PDE4D: variants seen among roughly 807,000 people sequenced by gnomAD.
PDE4D encodes 3',5'-cyclic-AMP phosphodiesterase 4D.
Under a neutral mutation model 87.4 loss-of-function variants are expected in PDE4D, and 24 were observed. The ratio of observed to expected loss-of-function variants is 0.27; its 90% CI spans 0.20 to 0.39. PDE4D has a LOEUF of 0.39. Among genes scored for constraint, PDE4D ranks in the 10% least tolerant of loss-of-function variants. The pLI is 1.00. For missense variants in PDE4D, 714 were observed against 1,041.0 expected (o/e 0.69, Z 4.32); for synonymous variants, 384 against 383.2 (o/e 1.00, Z -0.02).
intron 1 of PDE4D, among the ~76,000 whole-genome samples, chr5:59,623,482 C>CA (rs2150119576): frequency 6.6e-6 from 1 of 152,320 alleles, no homozygotes; most frequent in South Asian, 2.1e-4. Context: ...CCCTGCATCC[C>CA]AGTGCTTGGA....
chr5:59,970,463 C>G (rs893145069), intron 3 of PDE4D, among the ~76,000 whole-genome samples: 2 of 152,052 alleles, frequency 1.3e-5, no homozygotes, highest in African/African-American at 2.4e-5. Context: ...ACTCATCTGA[C>G]AAAGGGCTAA....
chr5:59,144,978 T>C (rs1778414692), intron 5 of PDE4D, among the ~76,000 whole-genome samples: 1 of 151,928 alleles, frequency 6.6e-6, no homozygotes, highest in Admixed American at 6.6e-5. Context: ...TTTAATATGC[T>C]GTTTTTATTA....
chr5:59,607,342 C>T (rs1202325918), intron 1 of PDE4D, among the ~76,000 whole-genome samples: 1 of 152,132 alleles, frequency 6.6e-6, no homozygotes, highest in Non-Finnish European at 1.5e-5. Context: ...TGCCCCTCCC[C>T]TTTCCTATTT....
At chr5:59,399,070 T>G (rs71626180) in intron 1 of PDE4D, among the ~76,000 whole-genome samples, 6 of 112,682 alleles carry the variant, frequency 5.3e-5, no homozygotes, top group Admixed American at 9.1e-5. Context: ...CACTGCTCAA[T>G]GAAATAAAAG....
intron 1 of PDE4D, among the ~76,000 whole-genome samples, chr5:60,357,296 T>G (rs1308300784): frequency 6.6e-6 from 1 of 152,128 alleles, no homozygotes; most frequent in Non-Finnish European, 1.5e-5. Context: ...ACTAAATAAT[T>G]TTTTGAGCTT....
At chr5:59,266,562 G>T (rs1441534912) in intron 1 of PDE4D, among the ~76,000 whole-genome samples, 1 of 151,832 alleles carries the variant, frequency 6.6e-6, no homozygotes, top group African/African-American at 2.4e-5. Context: ...GAACGAGTCA[G>T]GAACTAGCTA....
At chr5:60,492,135 A>G (rs1293332791), upstream of PDE4D, among the ~76,000 whole-genome samples, 1 of 152,082 alleles carries the variant, frequency 6.6e-6, no homozygotes, top group African/African-American at 2.4e-5. Flanking sequence ...AAAAAAAAAA[A>G]AAAAAGAAAA....
intron 1 of PDE4D, among the ~76,000 whole-genome samples, chr5:59,759,186 C>G (rs1346783593): frequency 1.3e-5 from 2 of 152,028 alleles, no homozygotes; most frequent in Non-Finnish European, 2.9e-5. Context: ...CTTTAGTTAT[C>G]TGAATACATA....
rs150301113 is a variant in PDE4D at position 60,103,024 on chromosome 5, C to A, written c.42+82533G>T. 2.6e-3 allele frequency among the ~76,000 whole-genome samples: 399 copies of A among 151,390 alleles called. 2 individuals carry two copies. The highest frequency in any genetic ancestry group is 9.3e-3 in the African/African-American group (384 of 41,326). On this transcript the variant is annotated intron_variant, in intron 2 of 16. Coordinates refer to the PDE4D transcript ENST00000502484. ...AGAAAAAACACCCAGAAAACATTACCCACCAGGAAGTTAAGGAGTTTGTGT... is the reference window on the plus strand; with the variant it reads ...AGAAAAAACACCCAGAAAACATTACACACCAGGAAGTTAAGGAGTTTGTGT...
At chr5:59,295,158 T>C (rs1180904069) in intron 1 of PDE4D, among the ~76,000 whole-genome samples, 1 of 152,230 alleles carries the variant, frequency 6.6e-6, no homozygotes, top group African/African-American at 2.4e-5. Context: ...AAGATTTTTG[T>C]TGGGATAATC....
At chr5:60,433,964 T>C (rs1434373529) in intron 1 of PDE4D, among the ~76,000 whole-genome samples, 1 of 152,086 alleles carries the variant, frequency 6.6e-6, no homozygotes, top group Non-Finnish European at 1.5e-5. Context: ...AGACTACATA[T>C]TGGGTACTAT....
intron 1 of PDE4D, among the ~76,000 whole-genome samples, chr5:59,329,810 A>G (rs533678529): frequency 2.6e-5 from 4 of 152,344 alleles, no homozygotes; most frequent in African/African-American, 9.6e-5. Flanking sequence ...ATATCTGAGA[A>G]GCTGAGTCAT....
intron 1 of PDE4D, among the ~76,000 whole-genome samples, chr5:59,313,799 G>A (rs1340655689): frequency 6.6e-6 from 1 of 152,060 alleles, no homozygotes; most frequent in African/African-American, 2.4e-5. Flanking sequence ...TAAAGTGATG[G>A]ATCTACAAAA....
At chr5:59,917,586 T>G (rs1754206584) in intron 3 of PDE4D, among the ~76,000 whole-genome samples, 1 of 152,236 alleles carries the variant, frequency 6.6e-6, no homozygotes, top group African/African-American at 2.4e-5. Context: ...ACTTTTAATG[T>G]CCTTATTCAT....
intron 3 of PDE4D, among the ~76,000 whole-genome samples, chr5:59,984,417 A>C (rs990313267): frequency 6.6e-6 from 1 of 152,226 alleles, no homozygotes; most frequent in African/African-American, 2.4e-5. Flanking sequence ...TAACTGGCAG[A>C]TGAATTCAGG....
chr5:59,748,087 T>A (rs1201370007), intron 1 of PDE4D, among the ~76,000 whole-genome samples: 1 of 152,218 alleles, frequency 6.6e-6, no homozygotes, highest in Non-Finnish European at 1.5e-5. Context: ...AGTCCTTTTA[T>A]AAGGAGGCCT....
chr5:59,629,196 A>C (rs1433889476), intron 1 of PDE4D, among the ~76,000 whole-genome samples: 1 of 152,144 alleles, frequency 6.6e-6, no homozygotes, highest in Non-Finnish European at 1.5e-5. Flanking sequence ...TCTGTCTGAG[A>C]AAGTGACTTC....
At chr5:60,212,863 A>G (rs1185230462) in intron 1 of PDE4D, among the ~76,000 whole-genome samples, 1 of 152,244 alleles carries the variant, frequency 6.6e-6, no homozygotes, top group Non-Finnish European at 1.5e-5. Context: ...GCTGCACTAC[A>G]GCATTTTCCC....
intron 6 of PDE4D, among the ~76,000 whole-genome samples, chr5:58,997,756 G>A (rs1044217566): frequency 6.6e-6 from 1 of 151,974 alleles, no homozygotes; most frequent in Non-Finnish European, 1.5e-5. Flanking sequence ...CAGCAGTTAA[G>A]GCATAAAGGA....
Sources: gnomAD v4.1 joint callset for allele counts (sites outside exome capture counted in the v4.1 genomes callset) on GRCh38, gnomAD v4.1.1 for gene constraint, MANE v1.5 for transcripts, NCBI Gene and HGNC (gene_info 2026-07-23, HGNC 2026-07-21) for gene names.